Variants in LTBP4 observed in about 807,000 individuals in gnomAD.
The protein encoded by LTBP4 is latent transforming growth factor beta binding protein 4, also known as latent-transforming growth factor beta-binding protein 4.
Under a neutral mutation model 180.2 loss-of-function variants are expected in LTBP4, and 93 were observed. The observed-to-expected ratio is 0.52, with a 90% CI of 0.44 to 0.61. The LOEUF is 0.61. LTBP4 is among the 20% of genes least tolerant of loss of function. The pLI, the probability that LTBP4 is intolerant of heterozygous loss-of-function variation, is 0.00. For missense variants in LTBP4, 2,116 were observed against 2,256.5 expected, an observed-to-expected ratio of 0.94 and a Z score of 1.26; for synonymous variants, 947 against 934.5, an observed-to-expected ratio of 1.01 and a Z score of -0.24.
intron 1 of LTBP4, among the ~76,000 whole-genome samples, chr19:40,595,166 G>A (rs1019762145): frequency 1.3e-5 from 2 of 152,134 alleles, no homozygotes; most frequent in African/African-American, 4.8e-5. Flanking sequence ...ATGTGGTCAC[G>A]TCCCAGTTTT....
chr19:40,621,984 A>G (rs1474403725), intron 22 of LTBP4, among the ~76,000 whole-genome samples: 1 of 152,120 alleles, frequency 6.6e-6, no homozygotes, highest in South Asian at 2.1e-4. Flanking sequence ...CCTGACCTCA[A>G]GTAATCCAAC....
At chr19:40,624,589 G>A (rs2081611235) in intron 26 of LTBP4, among the ~76,000 whole-genome samples, 1 of 152,128 alleles carries the variant, frequency 6.6e-6, no homozygotes, top group Non-Finnish European at 1.5e-5. Flanking sequence ...AGTAGAGACA[G>A]GGTTTCTCCA....
intron 1 of LTBP4, among the ~76,000 whole-genome samples, chr19:40,604,074 G>A (rs555739915): frequency 1.3e-4 from 20 of 152,318 alleles, no homozygotes; most frequent in Admixed American, 1.0e-3. Context: ...GAAGTTGGGC[G>A]GAGACACAGC....
chr19:40,621,051 C>T (rs2081583244), intron 22 of LTBP4, among the ~76,000 whole-genome samples: 2 of 151,970 alleles, frequency 1.3e-5, no homozygotes, highest in African/African-American at 4.8e-5. Flanking sequence ...AAGTGATTCT[C>T]CTGCCTCAGC....
rs1170190966 is a variant in LTBP4, at chr19:40,613,027, G to A, written c.2300-38G>A. 19 of 1,603,004 alleles carry A rather than the reference G, an allele frequency of 1.2e-5. No homozygotes were observed. Among genetic ancestry groups the A allele is most frequent in the Non-Finnish European group, 1.4e-5 (17 of 1,174,020 alleles). ...CAAGGGGATTGGTCGGGTGTGTCCC[G>A]AGACTGGACCCTTTCTGAACACCCC... is the stretch of plus-strand genomic sequence containing the variant. On this transcript the variant is annotated intron_variant, in intron 15 of 29. Transcript: ENST00000396819. The surrounding 1 kb of genome is among the most constrained non-coding windows in gnomAD (Gnocchi z 5.0).
chr19:40,597,088 G>A (rs1482099330), upstream of LTBP4: 5 of 751,962 alleles, frequency 6.6e-6, no homozygotes, highest in East Asian at 1.8e-4. Context: ...GGCTGTGATT[G>A]GCGGGAAGTT....
Position 40,627,282 on chromosome 19 carries a change from G to T in LTBP4, c.4293G>T (p.Trp1431Cys). ...APAPPGPGTR[W>C]PYRSRDTRRS... Reference sequence around the variant, plus strand: ...CGCCACCTGGCCCGGGCACCCGCTGGCCCTATCGGTCCCGGGACACCCGCC... The same window carrying T: ...CGCCACCTGGCCCGGGCACCCGCTGTCCCTATCGGTCCCGGGACACCCGCC... The change falls in exon 28 of 30, where the codon TGG becomes TGT. Residue 1431 changes from tryptophan (W) to cysteine (C), a missense_variant. Physicochemically the swap from Trp to Cys is radical, Grantham distance 215. Transcript: ENST00000396819. 1 of 1,535,588 alleles carries T rather than the reference G, an allele frequency of 6.5e-7. No individual in the cohort carries two copies.
chr19:40,629,250 C>A lies in LTBP4; in HGVS notation c.4520-146C>A. 1 of 981,582 alleles carries A rather than the reference C, an allele frequency of 1.0e-6. No individual in the cohort carries two copies. Among genetic ancestry groups the A allele is most frequent in the South Asian group, 1.5e-5 (1 of 67,454 alleles). The allele number at this position is 981,582 out of a possible 1,614,324, so 60.8% of individuals were successfully genotyped here. ...AGTGAGGTTAAGCCACCTGGCCGGGCTCACACAGTTAGCAGATGGCAGAGG... is the reference window on the plus strand; with the variant it reads ...AGTGAGGTTAAGCCACCTGGCCGGGATCACACAGTTAGCAGATGGCAGAGG... On this transcript the variant is annotated intron_variant, in intron 29 of 29. Transcript: ENST00000396819. This position sits in a 1 kb window ranked among gnomAD's most constrained non-coding sequence, Gnocchi z 4.5.
chr19:40,610,228 G>A, intron 11 of LTBP4: 1 of 485,282 alleles, frequency 2.1e-6, no homozygotes, highest in Non-Finnish European at 3.6e-6. Flanking sequence ...TCCTGACCGC[G>A]ACCCCGATTC....
At chr19:40,628,869 C>G (rs1280942717) in intron 29 of LTBP4, among the ~76,000 whole-genome samples, 1 of 150,444 alleles carries the variant, frequency 6.6e-6, no homozygotes, top group Admixed American at 6.6e-5. Flanking sequence ...CTTTTCTTGG[C>G]GACAGAGACT....
At chr19:40,624,420 T>C (rs1399951342) in intron 26 of LTBP4, among the ~76,000 whole-genome samples, 1 of 152,198 alleles carries the variant, frequency 6.6e-6, no homozygotes, top group African/African-American at 2.4e-5. Context: ...TGAGACGGAG[T>C]TTCGCTCTTG....
In LTBP4 at chr19:40,612,151, C is replaced by T. The variant is rs1044700425; in HGVS notation, c.2258C>T (p.Thr753Ile). 6.2e-7 allele frequency: 1 copy of T among 1,611,768 alleles called. No individual in the cohort carries two copies. The highest frequency in any genetic ancestry group is 2.2e-5 in the East Asian group (1 of 44,824). The change falls in exon 15 of 30, where the codon ACC (threonine) becomes ATC (isoleucine). Residue 753 changes from threonine to isoleucine, a missense_variant. Around this residue, in one of 5 missense-constraint regions of LTBP4, gnomAD observed 877 missense variants for 873.6 expected, o/e 1.00. Coordinates refer to ENST00000396819, the MANE Select transcript of LTBP4 (RefSeq NM_001042545.2). Reference sequence around the variant, plus strand: ...TCGCCCGGCTCCTTCCAGTGCAGGACCTGTCCTTCTGGCCACCACCTGCAC... The same window carrying T: ...TCGCCCGGCTCCTTCCAGTGCAGGATCTGTCCTTCTGGCCACCACCTGCAC... Reference protein sequence around the residue: ...VNSPGSFQCRTCPSGHHLHRG... With the variant: ...VNSPGSFQCRICPSGHHLHRG...
In LTBP4 at chr19:40,608,365, T is replaced by C. The variant is rs1316575832; in HGVS notation, c.1302T>C (p.Ser434=). The C allele has an allele frequency of 6.2e-7, 1 of 1,612,368 alleles. No homozygotes were observed. Residue 434 remains serine (S), a synonymous_variant, in exon 8 of 30, where the codon TCT becomes TCC. Coordinates refer to ENST00000396819, the MANE Select transcript of LTBP4 (RefSeq NM_001042545.2). ...PRTLPATSRP[S]AGFLPTHRLE... ...CCCTGCCAGCCACCTCTCGGCCATC[T>C]GCAGGTGAGCTGGCTCTGGCAGAAG...
chr19:40,608,771 C>T (rs1462040067), intron 9 of LTBP4, 168 bp downstream of exon 9: 19 of 694,462 alleles, frequency 2.7e-5, no homozygotes, highest in African/African-American at 5.4e-5. Context: ...ATTAACTGGG[C>T]GTGGTGGCAG....
chr19:40,603,729 C>A (rs2081439278), intron 1 of LTBP4, among the ~76,000 whole-genome samples: 1 of 152,226 alleles, frequency 6.6e-6, no homozygotes, highest in African/African-American at 2.4e-5. Flanking sequence ...CGGCCGCCTG[C>A]CTCCTCCCTC....
At chr19:40,614,251 C>T (rs2081530731) in intron 18 of LTBP4, 64 bp from the exon 19 acceptor site, 20 of 1,570,350 alleles carry the variant, frequency 1.3e-5, no homozygotes, top group Non-Finnish European at 1.7e-5. Context: ...CTCCTCTCCC[C>T]TCTTTGTATC....
chr19:40,626,138 C>A, intron 27 of LTBP4, 129 bp downstream of exon 27: 2 of 1,039,330 alleles, frequency 1.9e-6, no homozygotes, highest in Admixed American at 3.4e-5. Flanking sequence ...ACCCCTATGT[C>A]GCAGCCCATC....
chr19:40,610,589 C>T lies in LTBP4; in HGVS notation c.1742C>T (p.Thr581Met), dbSNP rs1759470088. The T allele has an allele frequency of 6.3e-7, 1 of 1,590,546 alleles. No individual in the cohort carries two copies. The highest frequency in any genetic ancestry group is 8.5e-7 in the Non-Finnish European group (1 of 1,174,952). ...PPCDLGRCEN[T>M]PGSFLCVCPA... The stretch of plus-strand genomic sequence containing the variant: ...TGTGACCTCGGGCGCTGCGAGAACA[C>T]GCCAGGCAGCTTCCTGTGCGTGTGC... The change falls in exon 12 of 30, where the codon ACG becomes ATG. Residue 581 changes from threonine (T) to methionine (M), a missense_variant. Physicochemically the swap from Thr to Met is moderately conservative, Grantham distance 81 (BLOSUM62 -1). This residue lies in a region of LTBP4 where 877 missense variants were observed against 873.6 expected (regional missense o/e 1.00). Coordinates refer to ENST00000396819, the MANE Select transcript of LTBP4 (RefSeq NM_001042545.2).
At chr19:40,597,316 G>GCCAGCC (rs1030018396), upstream of LTBP4, 70 of 1,525,532 alleles carry the variant, frequency 4.6e-5, no homozygotes, top group East Asian at 1.3e-3. Flanking sequence ...CACCTCCGCC[G>GCCAGCC]CCAGCCCCAG....
Sources: gnomAD v4.1 joint callset for allele counts (sites outside exome capture counted in the v4.1 genomes callset) on GRCh38, gnomAD v4.1.1 for gene constraint, gnomAD v4.1.1 regional missense constraint, Gnocchi (gnomAD v3.1) non-coding constraint, MANE v1.5 for transcripts, NCBI Gene and HGNC (gene_info 2026-07-23, HGNC 2026-07-21) for gene names.